The following ITGA6 variants were observed in gnomAD, a reference collection of about 807,000 sequenced individuals.
The protein encoded by ITGA6 is integrin alpha-6.
In ITGA6, 63 loss-of-function variants were observed where a neutral mutation model predicts 133.6. The observed-to-expected ratio is 0.47, with a 90% CI of 0.38 to 0.58. The LOEUF is 0.58. Ranked by LOEUF, ITGA6 falls within the 20% of genes least tolerant of loss-of-function variation. The pLI is 0.00. For synonymous variants in ITGA6, 434 were observed against 482.0 expected (o/e 0.90, Z 1.30); for missense variants, 1,068 against 1,309.4 (o/e 0.82, Z 2.85).
At chr2:172,495,860 C>T (rs530098813) in intron 23 of ITGA6, among the ~76,000 whole-genome samples, 1 of 151,816 alleles carries the variant, frequency 6.6e-6, no homozygotes, top group East Asian at 1.9e-4. Context: ...GGGTGGCTTT[C>T]CCCTACTGTC....
chr2:172,430,672 A>T (rs1361173906), intron 1 of ITGA6, among the ~76,000 whole-genome samples: 2 of 152,194 alleles, frequency 1.3e-5, no homozygotes, highest in African/African-American at 2.4e-5. Flanking sequence ...GCCCCAAAAC[A>T]TGTCGGGTGT....
intron 10 of ITGA6, 116 bp downstream of exon 10, chr2:172,479,855 G>A (rs1291776722): frequency 8.9e-7 from 1 of 1,121,590 alleles, no homozygotes; most frequent in African/African-American, 1.5e-5. Flanking sequence ...GCAAAGGGAA[G>A]AGGGTCTGTC....
intron 1 of ITGA6, among the ~76,000 whole-genome samples, chr2:172,443,667 G>C (rs542236467): frequency 6.6e-6 from 1 of 152,326 alleles, no homozygotes; most frequent in South Asian, 2.1e-4. Context: ...CTTTATGCTT[G>C]TTAAAATGTA....
At chr2:172,441,734 G>A (rs16860395) in intron 1 of ITGA6, among the ~76,000 whole-genome samples, 2,065 of 152,156 alleles carry the variant, frequency 0.014, 62 homozygotes, top group African/African-American at 0.048. Context: ...GGAACTTGGG[G>A]AATGGCCTGG....
chr2:172,476,542 C>A, intron 9 of ITGA6, 29 bp downstream of exon 9: 2 of 1,268,968 alleles, frequency 1.6e-6, no homozygotes, highest in Non-Finnish European at 2.3e-6. Flanking sequence ...TAGTGTTAAG[C>A]ATGTTCTATA....
At chr2:172,483,561 C>T (rs1369362439) in intron 11 of ITGA6, among the ~76,000 whole-genome samples, 2 of 152,034 alleles carry the variant, frequency 1.3e-5, no homozygotes, top group South Asian at 2.1e-4. Context: ...AAGTATTGGC[C>T]CATGAAAAAC....
intron 9 of ITGA6, among the ~76,000 whole-genome samples, chr2:172,478,062 G>A (rs1574384125): frequency 2.6e-5 from 2 of 76,592 alleles, no homozygotes; most frequent in Non-Finnish European, 5.9e-5. Flanking sequence ...AGAAATGTCT[G>A]TTAAAATTCT....
At chr2:172,452,167 T>C (rs550595819) in intron 1 of ITGA6, among the ~76,000 whole-genome samples, 28 of 152,276 alleles carry the variant, frequency 1.8e-4, no homozygotes, top group South Asian at 4.1e-4. Context: ...TCCAGTTCTT[T>C]ATAGGTGGTT....
chr2:172,495,116 G>A (rs1303232178), intron 23 of ITGA6, among the ~76,000 whole-genome samples: 2 of 152,190 alleles, frequency 1.3e-5, no homozygotes, highest in Admixed American at 6.5e-5. Context: ...GAAGTTCAAT[G>A]AGAACAGTGG....
In ITGA6 at chr2:172,487,019, A is replaced by G. The variant is rs1198815830; in HGVS notation, c.1855-4A>G. Reference sequence around the variant, plus strand: ...AATTGACAATAGTTTTCGTTTTCCTACAGGTTCACTTCTTAAAAGAGGGAT... The same window carrying G: ...AATTGACAATAGTTTTCGTTTTCCTGCAGGTTCACTTCTTAAAAGAGGGAT... On this transcript the variant is annotated splice_polypyrimidine_tract_variant and splice_region_variant and intron_variant, in intron 13 of 25. Transcript: ENST00000684293. 3.2e-6 allele frequency: 5 copies of G among 1,549,600 alleles called. No individual in the cohort carries two copies. Among genetic ancestry groups the G allele is most frequent in the Non-Finnish European group, 4.5e-6 (5 of 1,121,340 alleles).
intron 1 of ITGA6, among the ~76,000 whole-genome samples, chr2:172,432,521 G>A (rs1334606893): frequency 1.3e-5 from 2 of 152,252 alleles, no homozygotes; most frequent in African/African-American, 2.4e-5. Context: ...AGGGTGGAGA[G>A]AGGGAGAAAT....
At chr2:172,498,227 T>G in intron 24 of ITGA6, 127 bp downstream of exon 24, 1 of 977,616 alleles carries the variant, frequency 1.0e-6, no homozygotes, top group Non-Finnish European at 1.6e-6. Flanking sequence ...GAAACTCTTT[T>G]GACATAGCAA....
chr2:172,467,135 T>C (rs1436320081), intron 2 of ITGA6, among the ~76,000 whole-genome samples: 1 of 152,228 alleles, frequency 6.6e-6, no homozygotes, highest in African/African-American at 2.4e-5. Flanking sequence ...GATTTTACAT[T>C]GTTGCCTTAA....
At chr2:172,471,152 C>T (rs1315833648) in intron 5 of ITGA6, 47 bp downstream of exon 5, 3 of 1,611,704 alleles carry the variant, frequency 1.9e-6, no homozygotes, top group Non-Finnish European at 2.5e-6. Flanking sequence ...TCTCAGATAC[C>T]TTGTGTGAAA....
At chr2:172,469,855 G>C (rs2149042306) in intron 4 of ITGA6, among the ~76,000 whole-genome samples, 1 of 152,266 alleles carries the variant, frequency 6.6e-6, no homozygotes, top group South Asian at 2.1e-4. Flanking sequence ...TAATTCAGTA[G>C]AGTTAGAAGG....
rs16860530 is a variant in ITGA6 at position 172,485,154 on chromosome 2, A to G, written c.1744A>G (p.Ile582Val). The G allele has an allele frequency of 7.1e-4, 1,143 of 1,614,024 alleles. 6 individuals are homozygous for G. The African/African-American group carries it at 0.013, about 19-fold the overall frequency. The change falls in exon 13 of 26, where the codon ATA becomes GTA. Residue 582 changes from isoleucine (I) to valine (V), a missense_variant. Physicochemically the swap from Ile to Val is conservative, Grantham distance 29. This residue lies in a region of ITGA6 where 609 missense variants were observed against 707.2 expected (regional missense o/e 0.86). Coordinates refer to ENST00000684293, the MANE Select transcript of ITGA6 (RefSeq NM_000210.4). ...CAGAGATAAACTGCGTCCCATTCCCATAACTGCCTCAGTGGAGATCCAAGA... is the reference window on the plus strand; with the variant it reads ...CAGAGATAAACTGCGTCCCATTCCCGTAACTGCCTCAGTGGAGATCCAAGA... ...NIRDKLRPIP[I>V]TASVEIQEPS...
rs1311063032 is a variant in ITGA6 at position 172,427,852 on chromosome 2, G to A, written c.64G>A (p.Ala22Thr). The A allele has an allele frequency of 6.2e-7, 1 of 1,606,454 alleles. No individual in the cohort carries two copies. The highest frequency in any genetic ancestry group is 8.5e-7 in the Non-Finnish European group (1 of 1,177,062). ...GGCGGGGCTCCTGTCCCGGCTCGGC[G>A]CAGCCTTCAACTTGGACACTCGGGA... ...LSAGLLSRLGAAFNLDTREDN... is the reference protein window; with the variant it reads ...LSAGLLSRLGTAFNLDTREDN... The change falls in exon 1 of 26, where the codon GCA (alanine) becomes ACA (threonine). Residue 22 changes from alanine (A) to threonine (T), a missense_variant. Around this residue, in one of 3 missense-constraint regions of ITGA6, gnomAD observed 142 missense variants for 145.3 expected, o/e 0.98. Transcript: ENST00000684293.
intron 1 of ITGA6, among the ~76,000 whole-genome samples, chr2:172,443,244 T>C (rs1159993495): frequency 1.3e-5 from 2 of 152,230 alleles, no homozygotes; most frequent in Non-Finnish European, 2.9e-5. Context: ...TGTTCAATCT[T>C]GTAAATAAAG....
chr2:172,465,941 G>A (rs1559133657), intron 2 of ITGA6: 3 of 526,490 alleles, frequency 5.7e-6, no homozygotes, highest in Non-Finnish European at 1.0e-5. Context: ...TTCTGCAGGA[G>A]GTTGTGGAAA....
Sources: allele counts gnomAD v4.1 joint callset (sites outside exome capture counted in the v4.1 genomes callset), GRCh38; gene constraint gnomAD v4.1.1; regional missense constraint gnomAD v4.1.1; transcripts MANE v1.5; gene names NCBI Gene and HGNC (gene_info 2026-07-23, HGNC 2026-07-21).